Variants in TMPRSS7 observed in about 807,000 individuals in gnomAD.
TMPRSS7 encodes the protein transmembrane serine protease 7, also known as transmembrane protease serine 7.
A neutral mutation model predicts 95.6 loss-of-function variants in TMPRSS7; 81 were observed. That is an observed-to-expected ratio of 0.85 (90% confidence interval 0.71 to 1.02). The LOEUF (loss-of-function observed/expected upper bound fraction) is 1.02. Ranked by LOEUF, TMPRSS7 falls within the 50% of genes least tolerant of loss-of-function variation. TMPRSS7 has a pLI of 0.00. For missense variants in TMPRSS7, 945 were observed against 955.2 expected (o/e 0.99, Z 0.14); for synonymous variants, 364 against 337.8 (o/e 1.08, Z -0.85).
At chr3:112,078,692 C>T (rs1476992171) in intron 16 of TMPRSS7, 50 bp from the exon 17 acceptor site, 2 of 1,609,504 alleles carry the variant, frequency 1.2e-6, no homozygotes, top group Non-Finnish European at 8.5e-7. Flanking sequence ...GTCCTGAATA[C>T]ATGCGGCCAT....
At chr3:112,066,089 T>C (rs1364479816) in intron 12 of TMPRSS7, among the ~76,000 whole-genome samples, 1 of 152,242 alleles carries the variant, frequency 6.6e-6, no homozygotes, top group Non-Finnish European at 1.5e-5. Flanking sequence ...TCACAGCTTA[T>C]GATTTCTATC....
chr3:112,064,392 AG>A (rs1320654656), intron 12 of TMPRSS7, among the ~76,000 whole-genome samples: 2 of 148,802 alleles, frequency 1.3e-5, no homozygotes, highest in African/African-American at 5.0e-5. Context: ...TTTGTCACTC[AG>A]GTTAGAGTGC....
chr3:112,035,031 G>A (rs554848078), intron 1 of TMPRSS7, 138 bp downstream of exon 1: 1 of 616,876 alleles, frequency 1.6e-6, no homozygotes, highest in South Asian at 2.0e-5. Flanking sequence ...TAATTAATGG[G>A]TTTTACAAAT....
exon 15 of TMPRSS7, chr3:112,075,486 G>C: frequency 6.7e-7 from 1 of 1,483,666 alleles, no homozygotes; most frequent in Non-Finnish European, 9.0e-7. Context: ...TGTTTTCATG[G>C]AAACAGGTAG....
chr3:112,047,057 T>C, intron 6 of TMPRSS7, 45 bp downstream of exon 6: 1 of 694,506 alleles, frequency 1.4e-6, no homozygotes. Flanking sequence ...GTTAATATTG[T>C]TTTTGGCTGT....
At chr3:112,056,481 C>T (rs2073434636) in intron 9 of TMPRSS7, among the ~76,000 whole-genome samples, 2 of 152,058 alleles carry the variant, frequency 1.3e-5, no homozygotes, top group Non-Finnish European at 2.9e-5. Flanking sequence ...TGTGCATGGA[C>T]TGGTGTGGTG....
At chr3:112,042,072 G>A (rs1378065669) in intron 3 of TMPRSS7, 22 bp downstream of exon 3, 3 of 1,547,970 alleles carry the variant, frequency 1.9e-6, no homozygotes, top group Non-Finnish European at 2.6e-6. Context: ...GAGGTAGAGG[G>A]TATTAGGGTA....
At chr3:112,063,737 A>AT in intron 12 of TMPRSS7, 105 bp downstream of exon 12, 1 of 946,456 alleles carries the variant, frequency 1.1e-6, no homozygotes, top group Non-Finnish European at 1.7e-6. Flanking sequence ...ATTATCTATT[A>AT]CTGCATAACC....
chr3:112,045,470 G>A (rs2073266149), intron 4 of TMPRSS7, among the ~76,000 whole-genome samples: 1 of 152,218 alleles, frequency 6.6e-6, no homozygotes, highest in East Asian at 1.9e-4. Flanking sequence ...TTTAATGGCA[G>A]TGAATACTGA....
At chr3:112,055,789 A>G (rs571109846) in intron 9 of TMPRSS7, among the ~76,000 whole-genome samples, 7 of 152,348 alleles carry the variant, frequency 4.6e-5, no homozygotes, top group African/African-American at 1.4e-4. Context: ...AGCAATTTAT[A>G]ATGATGAAGA....
chr3:112,049,959 G>A, exon 8 of TMPRSS7: 1 of 1,568,856 alleles, frequency 6.4e-7, no homozygotes, highest in Non-Finnish European at 8.7e-7. Flanking sequence ...ATATTTTGAG[G>A]TCATTCCAGA....
Position 112,059,249 on chromosome 3 carries a change from T to C in TMPRSS7, c.1310+2118T>C, listed in dbSNP as rs532281983. Among the ~76,000 whole-genome samples the C allele has an allele frequency of 1.5e-4, 23 of 152,306 alleles. No homozygotes were observed. In the East Asian group the frequency reaches 4.4e-3, roughly 29 times the overall value. ...AGGCCAGTTGGCATCCAAATCTTGG[T>C]TTTACTTACTTGCTATTTGAACTTT... On this transcript the variant is annotated intron_variant, in intron 10 of 17. Transcript: ENST00000452346.
At chr3:112,054,602 T>C (rs1013613613) in intron 9 of TMPRSS7, among the ~76,000 whole-genome samples, 5 of 152,120 alleles carry the variant, frequency 3.3e-5, no homozygotes, top group African/African-American at 9.7e-5. Flanking sequence ...AATCCATTTT[T>C]ATGTTGAAGC....
intron 13 of TMPRSS7, among the ~76,000 whole-genome samples, chr3:112,070,605 T>C (rs752423872): frequency 4.6e-5 from 7 of 152,222 alleles, no homozygotes; most frequent in Admixed American, 1.3e-4. Context: ...TCTCTTTTGA[T>C]CTTTGTTGGT....
chr3:112,056,803 C>T (rs930804504), intron 9 of TMPRSS7, among the ~76,000 whole-genome samples: 2 of 152,154 alleles, frequency 1.3e-5, no homozygotes, highest in East Asian at 1.9e-4. Context: ...CAAGTCACCC[C>T]GCTCCACTTG....
chr3:112,069,983 C>T (rs1344991847), intron 13 of TMPRSS7, among the ~76,000 whole-genome samples: 1 of 152,192 alleles, frequency 6.6e-6, no homozygotes, highest in Non-Finnish European at 1.5e-5. Context: ...AAATTTCCCT[C>T]TACACACCGC....
At chr3:112,077,012 C>A (rs757323555) in exon 16 of TMPRSS7, 6 of 1,614,042 alleles carry the variant, frequency 3.7e-6, no homozygotes, top group Non-Finnish European at 5.1e-6. Flanking sequence ...TATTGCTTTG[C>A]TACAGCTCAG....
At chr3:112,043,100 C>A (rs959481224) in intron 3 of TMPRSS7, 3 of 455,892 alleles carry the variant, frequency 6.6e-6, no homozygotes, top group Non-Finnish European at 1.3e-5. Flanking sequence ...AATATTTATA[C>A]AGTCCTGTGT....
chr3:112,075,296 ATCACATGCCCTT>A lies in TMPRSS7; in HGVS notation c.1784-22_1784-11del. 1 of 1,379,372 alleles carries A rather than the reference ATCACATGCCCTT, an allele frequency of 7.2e-7. No individual in the cohort carries two copies. Among genetic ancestry groups the A allele is most frequent in the Non-Finnish European group, 9.5e-7 (1 of 1,056,404 alleles). The allele number at this position is 1,379,372 out of a possible 1,614,324, so 85.4% of individuals were successfully genotyped here. A position where few individuals can be genotyped will look rare whatever the true frequency, so the allele number is the denominator to read the frequency against. ...GTTTTTCTTCCAAGTCTACCTTTAAATCACATGCCCTTTCTCCACCAAAGCCTGCAGCAGGAG... is the reference window on the plus strand; with the variant it reads ...GTTTTTCTTCCAAGTCTACCTTTAAATCTCCACCAAAGCCTGCAGCAGGAG... On this transcript the variant is annotated splice_polypyrimidine_tract_variant and intron_variant, in intron 14 of 17. Transcript: ENST00000452346.
Sources: allele counts gnomAD v4.1 joint callset (sites outside exome capture counted in the v4.1 genomes callset), GRCh38; gene constraint gnomAD v4.1.1; transcripts MANE v1.5; gene names NCBI Gene and HGNC (gene_info 2026-07-23, HGNC 2026-07-21).